The following MKKS variants were observed in gnomAD, a reference collection of about 807,000 sequenced individuals.
The protein encoded by MKKS is MKKS centrosomal shuttling protein.
Under a neutral mutation model 33.2 loss-of-function variants are expected in MKKS, and 29 were observed. That is an observed-to-expected ratio of 0.87 (90% confidence interval 0.65 to 1.19). MKKS has a LOEUF of 1.19. Among genes scored for constraint, MKKS ranks in the 50% most tolerant of loss-of-function variants. The pLI is 0.00. For synonymous variants in MKKS, 260 were observed against 244.0 expected, an observed-to-expected ratio of 1.07 and a Z score of -0.61; for missense variants, 661 against 662.3, an observed-to-expected ratio of 1.00 and a Z score of 0.02.
At chr20:10,431,527 AAAACCAAACCAAACC>A (rs60563851) in intron 1 of MKKS, among the ~76,000 whole-genome samples, 110 of 150,842 alleles carry the variant, frequency 7.3e-4, no homozygotes, top group Middle Eastern at 3.4e-3. Flanking sequence ...ATAGGGTCAA[AAAACCAAACCAAACC>A]AAACCAAACC....
intron 5 of MKKS, 82 bp downstream of exon 5, chr20:10,407,534 G>T: frequency 8.8e-7 from 1 of 1,135,146 alleles, no homozygotes; most frequent in Non-Finnish European, 1.3e-6. Flanking sequence ...AAGACTATAG[G>T]ATATTATGAT....
rs1380000195 is a variant in MKKS at position 10,413,503 on chromosome 20, C to T, written c.12G>A (p.Leu4=). Residue 4 remains leucine, a synonymous_variant, in exon 3 of 6, where the codon TTG becomes TTA. Transcript: ENST00000347364. ...TACACAATGATGGCTTCTTAGCTTC[C>T]AAACGAGACATCTTACTTCAGGTGG... MSR[L]EAKKPSLCKS... is the part of the protein sequence containing the mutation. The T allele has an allele frequency of 3.1e-6, 5 of 1,614,170 alleles. No homozygotes were observed. The highest frequency in any genetic ancestry group is 2.5e-6 in the Non-Finnish European group (3 of 1,180,026).
chr20:10,431,071 T>C (rs895845518), intron 1 of MKKS, among the ~76,000 whole-genome samples: 3 of 152,314 alleles, frequency 2.0e-5, no homozygotes, highest in African/African-American at 4.8e-5. Flanking sequence ...TATACATTCA[T>C]AGCTTAGTAC....
At chr20:10,431,807 G>C (rs2065055310) in intron 1 of MKKS, 2 of 152,150 alleles carry the variant, frequency 1.3e-5, no homozygotes, top group African/African-American at 4.8e-5. Flanking sequence ...GAAAAGTAGA[G>C]AATCTTGTCC....
chr20:10,413,685 G>T lies in MKKS; in HGVS notation c.-171C>A. The T allele has an allele frequency of 1.5e-6, 1 of 668,330 alleles. No homozygotes were observed. Among genetic ancestry groups the T allele is most frequent in the East Asian group, 2.7e-5 (1 of 36,848 alleles). The allele number at this position is 668,330 out of a possible 1,614,324, so 41.4% of individuals were successfully genotyped here. On this transcript the variant is annotated 5_prime_UTR_variant, in exon 3 of 6. It adds an upstream start codon to the 5' untranslated region. Transcript: ENST00000347364. ...AGTTCAATGTTTATGAAGCTAATCAGCATAGAATGATTTAATGACAAATTA... is the reference window on the plus strand; with the variant it reads ...AGTTCAATGTTTATGAAGCTAATCATCATAGAATGATTTAATGACAAATTA...
In MKKS at chr20:10,413,778, A is replaced by G. The variant is rs1439314553; in HGVS notation, c.-264T>C. The G allele has an allele frequency of 3.4e-6, 2 of 585,510 alleles. No individual in the cohort carries two copies. The highest frequency in any genetic ancestry group is 6.0e-6 in the Non-Finnish European group (2 of 331,762). The allele number at this position is 585,510 out of a possible 1,614,324, so 36.3% of individuals were successfully genotyped here. On this transcript the variant is annotated 5_prime_UTR_variant, in exon 3 of 6. Coordinates refer to ENST00000347364, the MANE Select transcript of MKKS (RefSeq NM_170784.3). ...TTGTTTGCTTTGAGACTGAAATTTT[A>G]CAGACTGCTTTGCAGACCTCTGCAA...
Position 10,402,893 on chromosome 20 carries a change from T to C in MKKS, c.*2354A>G, listed in dbSNP as rs1024464305. On this transcript the variant is annotated 3_prime_UTR_variant, in exon 6 of 6. Coordinates refer to ENST00000347364, the MANE Select transcript of MKKS (RefSeq NM_170784.3). Reference sequence around the variant, plus strand: ...CCTCCTGCCTTTATTAGATAGCTATTGCTGTATAAGAAAGTACATCCCAAA... The same window carrying C: ...CCTCCTGCCTTTATTAGATAGCTATCGCTGTATAAGAAAGTACATCCCAAA... 13 of 152,238 alleles carry C rather than the reference T, an allele frequency of 8.5e-5. No homozygotes were observed. Among genetic ancestry groups the C allele is most frequent in the African/African-American group, 3.1e-4 (13 of 41,458 alleles). The allele number at this position is 152,238 out of a possible 1,614,324, so 9.4% of individuals were successfully genotyped here.
chr20:10,432,075 C>T (rs113061693), intron 1 of MKKS, among the ~76,000 whole-genome samples: 6 of 152,334 alleles, frequency 3.9e-5, no homozygotes, highest in African/African-American at 1.4e-4. Context: ...TGCCAGCCTC[C>T]GTCCATGATT....
chr20:10,433,805 A>C (rs1302516884), intron 1 of MKKS, among the ~76,000 whole-genome samples: 1 of 152,144 alleles, frequency 6.6e-6, no homozygotes, highest in African/African-American at 2.4e-5. Flanking sequence ...TCGGCGTAGA[A>C]GGCGGCAGCG....
intron 3 of MKKS, among the ~76,000 whole-genome samples, chr20:10,410,958 C>T (rs970773352): frequency 3.2e-4 from 49 of 151,756 alleles, no homozygotes; most frequent in African/African-American, 1.1e-3. Context: ...AAACCCAGCC[C>T]CCAGTTACAA....
chr20:10,426,041 T>C (rs2065012365), intron 1 of MKKS, among the ~76,000 whole-genome samples: 1 of 152,276 alleles, frequency 6.6e-6, no homozygotes, highest in African/African-American at 2.4e-5. Flanking sequence ...ATGTGGATTA[T>C]GCTTTTCATA....
At chr20:10,429,526 A>T (rs1330812938) in intron 1 of MKKS, among the ~76,000 whole-genome samples, 1 of 152,064 alleles carries the variant, frequency 6.6e-6, no homozygotes, top group Non-Finnish European at 1.5e-5. Flanking sequence ...GTCTCAATTC[A>T]TCTCATATAA....
At chr20:10,421,103 T>A (rs560465849) in intron 1 of MKKS, among the ~76,000 whole-genome samples, 129 of 148,542 alleles carry the variant, frequency 8.7e-4, no homozygotes, top group Non-Finnish European at 1.3e-3. Flanking sequence ...CACAATAGAG[T>A]AAGAGCCTTT....
intron 3 of MKKS, among the ~76,000 whole-genome samples, chr20:10,410,431 G>A (rs537413028): frequency 1.3e-5 from 2 of 152,040 alleles, no homozygotes; most frequent in African/African-American, 4.8e-5. Flanking sequence ...AGGAGTTCAG[G>A]ACCAGCCTGA....
intron 3 of MKKS, among the ~76,000 whole-genome samples, chr20:10,409,593 A>T (rs1305102722): frequency 6.6e-6 from 1 of 152,142 alleles, no homozygotes; most frequent in Non-Finnish European, 1.5e-5. Context: ...ATTCTGAGCC[A>T]TTCACCCCTT....
chr20:10,420,367 T>C (rs1483274846), intron 2 of MKKS, among the ~76,000 whole-genome samples, 161 bp downstream of exon 2: 1 of 152,160 alleles, frequency 6.6e-6, no homozygotes, highest in Non-Finnish European at 1.5e-5. Flanking sequence ...CAACGAACTT[T>C]TCTAGAAACA....
At chr20:10,427,330 T>C (rs557782234) in intron 1 of MKKS, among the ~76,000 whole-genome samples, 1 of 152,328 alleles carries the variant, frequency 6.6e-6, no homozygotes, top group East Asian at 1.9e-4. Context: ...ACGGATTCTT[T>C]TTGGTCTTAA....
In MKKS at chr20:10,413,318, T is replaced by TAG. The variant is rs1256019628; in HGVS notation, c.196_197insCT (p.His66ProfsTer10). On this transcript the variant is annotated frameshift_variant, in exon 3 of 6. Coordinates refer to ENST00000347364, the MANE Select transcript of MKKS (RefSeq NM_170784.3). LOFTEE classifies it high-confidence loss of function. ...TAAAATGGGATGTGTGACCAAAAGG[T>TAG]GACTGAGCAGAGCTGAGGACTGTGA... 1.2e-6 allele frequency: 2 copies of TAG among 1,614,140 alleles called. No individual in the cohort carries two copies. Among genetic ancestry groups the TAG allele is most frequent in the Non-Finnish European group, 1.7e-6 (2 of 1,180,032 alleles).
Position 10,413,701 on chromosome 20 carries a change from T to C in MKKS, c.-187A>G. The C allele has an allele frequency of 3.1e-6, 2 of 636,950 alleles. No homozygotes were observed. The highest frequency in any genetic ancestry group is 2.7e-6 in the Non-Finnish European group (1 of 370,050). 39.5% of individuals were successfully genotyped at this position (636,950 alleles called of 1,614,324 possible). Reference sequence around the variant, plus strand: ...AGCTAATCAGCATAGAATGATTTAATGACAAATTAGTAATTCCAAATATTT... The same window carrying C: ...AGCTAATCAGCATAGAATGATTTAACGACAAATTAGTAATTCCAAATATTT... On this transcript the variant is annotated 5_prime_UTR_variant, in exon 3 of 6. Transcript: ENST00000347364.
Sources: gnomAD v4.1 joint callset for allele counts (sites outside exome capture counted in the v4.1 genomes callset) on GRCh38, gnomAD v4.1.1 for gene constraint, MANE v1.5 for transcripts, NCBI Gene and HGNC (gene_info 2026-07-23, HGNC 2026-07-21) for gene names.